Variants in NEDD4L observed in about 807,000 individuals in gnomAD.
NEDD4L encodes NEDD4 like E3 ubiquitin protein ligase.
Under a neutral mutation model 148.9 loss-of-function variants are expected in NEDD4L, and 54 were observed. The observed-to-expected ratio is 0.36, with a 90% CI of 0.29 to 0.45. The LOEUF is 0.45. NEDD4L is among the 20% of genes least tolerant of loss of function. The pLI is 1.00. For missense variants in NEDD4L, 856 were observed against 1,233.8 expected, an observed-to-expected ratio of 0.69 and a Z score of 4.59; for synonymous variants, 433 against 440.7, an observed-to-expected ratio of 0.98 and a Z score of 0.22.
At chr18:58,229,882 C>T (rs1037639181) in intron 2 of NEDD4L, among the ~76,000 whole-genome samples, 3 of 152,028 alleles carry the variant, frequency 2.0e-5, no homozygotes, top group East Asian at 1.9e-4. Context: ...CCCAGCTACT[C>T]GGAGGCTGAG....
At chr18:58,126,509 C>T (rs2031126160) in intron 1 of NEDD4L, among the ~76,000 whole-genome samples, 1 of 152,068 alleles carries the variant, frequency 6.6e-6, no homozygotes, top group Admixed American at 6.5e-5. Context: ...ATGGATATAC[C>T]ACCTGTTTTT....
At chr18:58,242,771 G>A (rs2046799521) in intron 2 of NEDD4L, among the ~76,000 whole-genome samples, 1 of 152,140 alleles carries the variant, frequency 6.6e-6, no homozygotes, top group Admixed American at 6.5e-5. Context: ...CTCCCAAATG[G>A]TTGGGACTAC....
chr18:58,213,703 G>C (rs182650481), intron 2 of NEDD4L, among the ~76,000 whole-genome samples: 1 of 152,106 alleles, frequency 6.6e-6, no homozygotes, highest in East Asian at 1.9e-4. Context: ...TGTGGTTTGA[G>C]GTTAAACATG....
At chr18:58,073,225 T>C (rs2144940297) in intron 1 of NEDD4L, among the ~76,000 whole-genome samples, 1 of 152,252 alleles carries the variant, frequency 6.6e-6, no homozygotes, top group South Asian at 2.1e-4. Context: ...GGCTTTTTTT[T>C]TTCTCAGAAA....
chr18:58,158,795 G>A lies in NEDD4L; in HGVS notation c.49-6993G>A, dbSNP rs543060163. On this transcript the variant is annotated intron_variant, in intron 1 of 30. Transcript: ENST00000400345. ...TGAACTGGACTTGCAGTCCTGGTGG[G>A]CTGCTTTCATTTCCACCCTGGGTCT... Among the ~76,000 whole-genome samples the A allele has an allele frequency of 2.6e-5, 4 of 152,230 alleles. No homozygotes were observed. In the South Asian group the frequency reaches 6.2e-4, roughly 24 times the overall value.
At position 58,275,643 on chromosome 18, in the gene NEDD4L, C is replaced by T. The variant is rs115024318; in HGVS notation, c.297+23589C>T. Among the ~76,000 whole-genome samples the T allele has an allele frequency of 7.9e-3, 1,206 of 152,298 alleles. 13 individuals are homozygous for T. Among genetic ancestry groups the T allele is most frequent in the African/African-American group, 0.028 (1,152 of 41,548 alleles). Reference sequence around the variant, plus strand: ...GTCTGGCCGCTGCACCAGCCTGCCCCCTGCCATGCCCTGACTCACCTGCAC... The same window carrying T: ...GTCTGGCCGCTGCACCAGCCTGCCCTCTGCCATGCCCTGACTCACCTGCAC... On this transcript the variant is annotated intron_variant, in intron 5 of 30. Transcript: ENST00000400345.
chr18:58,361,985 AACTTGC>A (rs1359314495), intron 19 of NEDD4L, among the ~76,000 whole-genome samples: 5 of 152,220 alleles, frequency 3.3e-5, no homozygotes, highest in African/African-American at 1.2e-4. Flanking sequence ...AGAATGTAAA[AACTTGC>A]TCTTCTTATT....
chr18:58,056,974 TCTGTTGTGTC>T (rs1358169991), intron 1 of NEDD4L, among the ~76,000 whole-genome samples: 1 of 150,156 alleles, frequency 6.7e-6, no homozygotes, highest in Non-Finnish European at 1.5e-5. Flanking sequence ...CCTTAAATCT[TCTGTTGTGTC>T]TCAGGGCCCA....
At chr18:58,332,370 G>T (rs1451616600) in intron 11 of NEDD4L, among the ~76,000 whole-genome samples, 2 of 152,158 alleles carry the variant, frequency 1.3e-5, no homozygotes, top group African/African-American at 2.4e-5. Context: ...AGCTTTGGCT[G>T]GGCACGGTGG....
intron 18 of NEDD4L, among the ~76,000 whole-genome samples, chr18:58,355,021 CA>C (rs1316228435): frequency 6.6e-6 from 1 of 152,184 alleles, no homozygotes; most frequent in Non-Finnish European, 1.5e-5. Flanking sequence ...CAGGCCAAGC[CA>C]AAGGGTATCT....
rs924995273 is a variant in NEDD4L at position 58,389,018 on chromosome 18, C to G, written c.2548-67C>G. ...ACCACATGCTGGCACTGAGGGTGGT[C>G]ATTTCTCAGTGTGTGATCTCGCACC... On this transcript the variant is annotated intron_variant, in intron 27 of 30. Coordinates refer to ENST00000400345, the MANE Select transcript of NEDD4L (RefSeq NM_001144967.3). The G allele has an allele frequency of 3.8e-6, 5 of 1,299,378 alleles. No homozygotes were observed. The African/African-American group carries it at 7.2e-5, about 19-fold the overall frequency. 80.5% of individuals were successfully genotyped at this position (1,299,378 alleles called of 1,614,324 possible).
At chr18:58,382,653 C>T (rs967791911) in intron 24 of NEDD4L, among the ~76,000 whole-genome samples, 1 of 152,126 alleles carries the variant, frequency 6.6e-6, no homozygotes, top group African/African-American at 2.4e-5. Flanking sequence ...ATTGCAGCTG[C>T]TTTTTTCATG....
intron 1 of NEDD4L, chr18:58,054,614 G>T: frequency 6.1e-6 from 1 of 163,198 alleles, no homozygotes; most frequent in Non-Finnish European, 1.3e-5. Flanking sequence ...AAAAGAAAAA[G>T]CAAGACTGAA....
chr18:58,100,812 A>G (rs1036023782), intron 1 of NEDD4L, among the ~76,000 whole-genome samples: 69 of 152,120 alleles, frequency 4.5e-4, no homozygotes, highest in Non-Finnish European at 1.6e-4. Context: ...TAATTAAAAA[A>G]ATATTTTCTT....
chr18:58,071,890 G>A (rs1345205347), intron 1 of NEDD4L, among the ~76,000 whole-genome samples: 1 of 152,118 alleles, frequency 6.6e-6, no homozygotes, highest in African/African-American at 2.4e-5. Flanking sequence ...GAACAGTATG[G>A]GAGAAACTTC....
chr18:58,378,673 C>T (rs2047908227), intron 24 of NEDD4L, among the ~76,000 whole-genome samples: 2 of 152,150 alleles, frequency 1.3e-5, no homozygotes, highest in Admixed American at 1.3e-4. Flanking sequence ...GCTGACTGCC[C>T]CCGAGGCCGT....
At chr18:58,080,945 G>C (rs531772063) in intron 1 of NEDD4L, among the ~76,000 whole-genome samples, 1 of 152,158 alleles carries the variant, frequency 6.6e-6, no homozygotes, top group African/African-American at 2.4e-5. Flanking sequence ...GTAGAGGGCT[G>C]GGGGGTATGA....
chr18:58,174,159 T>C (rs932498625), intron 2 of NEDD4L, among the ~76,000 whole-genome samples: 3 of 151,930 alleles, frequency 2.0e-5, no homozygotes, highest in African/African-American at 7.3e-5. Flanking sequence ...TACTGAGCAA[T>C]GGAATAGCTC....
chr18:58,089,771 C>T (rs2145266114), intron 1 of NEDD4L, among the ~76,000 whole-genome samples: 1 of 152,158 alleles, frequency 6.6e-6, no homozygotes, highest in East Asian at 1.9e-4. Flanking sequence ...TCTGAGGCTC[C>T]CAGACAGTCA....
Sources: allele counts gnomAD v4.1 joint callset (sites outside exome capture counted in the v4.1 genomes callset), GRCh38; gene constraint gnomAD v4.1.1; transcripts MANE v1.5; gene names NCBI Gene and HGNC (gene_info 2026-07-23, HGNC 2026-07-21).